The following DLEU7 variants were observed in gnomAD, a reference collection of about 807,000 sequenced individuals.
DLEU7 encodes the protein leukemia-associated protein 7.
DLEU7 carries 17 observed loss-of-function variants against 16.0 expected under a neutral mutation model. The ratio of observed to expected loss-of-function variants is 1.06; its 90% CI spans 0.73 to 1.59. The LOEUF (loss-of-function observed/expected upper bound fraction) is 1.59, where lower values mean the gene tolerates loss of function less well. DLEU7 is among the 40% of genes most tolerant of loss of function. The pLI, the probability that DLEU7 is intolerant of heterozygous loss-of-function variation, is 0.00. For missense variants in DLEU7, 308 were observed against 314.9 expected (o/e 0.98, Z 0.17); for synonymous variants, 113 against 139.8 (o/e 0.81, Z 1.35).
At chr13:50,834,418 A>C (rs8002110) in intron 1 of DLEU7, among the ~76,000 whole-genome samples, 85,424 of 151,168 alleles carry the variant, frequency 0.57, 24,361 homozygotes, top group African/African-American at 0.66. Context: ...TTTGTGTGGC[A>C]AACAAACATA....
chr13:50,795,769 A>G (rs1288459298), intron 1 of DLEU7, among the ~76,000 whole-genome samples: 3 of 152,196 alleles, frequency 2.0e-5, no homozygotes, highest in Non-Finnish European at 4.4e-5. Flanking sequence ...TTATTTTTAT[A>G]GCAAACTGCA....
intron 1 of DLEU7, among the ~76,000 whole-genome samples, chr13:50,829,779 A>G (rs974545132): frequency 3.9e-5 from 6 of 152,334 alleles, no homozygotes; most frequent in Non-Finnish European, 5.9e-5. Flanking sequence ...AGGGAAAAAT[A>G]AAACAGGTGT....
At chr13:50,725,246 C>T (rs2706241) in intron 1 of DLEU7, among the ~76,000 whole-genome samples, 12,216 of 152,150 alleles carry the variant, frequency 0.08, 552 homozygotes, top group East Asian at 0.15. Flanking sequence ...CAGCCAGCCA[C>T]GTGGTCATGG....
intron 1 of DLEU7, among the ~76,000 whole-genome samples, chr13:50,842,710 T>C (rs1026051502): frequency 3.3e-5 from 5 of 152,126 alleles, no homozygotes; most frequent in Non-Finnish European, 5.9e-5. Flanking sequence ...CAAAAAATAA[T>C]AGTGATTCAT....
chr13:50,778,555 T>G (rs1875566250), intron 1 of DLEU7, among the ~76,000 whole-genome samples: 1 of 152,216 alleles, frequency 6.6e-6, no homozygotes, highest in Non-Finnish European at 1.5e-5. Flanking sequence ...AAAATAAAAA[T>G]GAACCAGATA....
intron 1 of DLEU7, among the ~76,000 whole-genome samples, chr13:50,762,877 C>T (rs1874980920): frequency 6.6e-6 from 1 of 151,532 alleles, no homozygotes; most frequent in Admixed American, 6.6e-5. Context: ...AGATCTGCAT[C>T]CAGGAAGGGA....
chr13:50,767,004 C>T (rs1466255427), intron 1 of DLEU7, among the ~76,000 whole-genome samples: 2 of 152,184 alleles, frequency 1.3e-5, no homozygotes, highest in Non-Finnish European at 2.9e-5. Context: ...TTCCTTTGCC[C>T]ACTACTTAGA....
intron 1 of DLEU7, among the ~76,000 whole-genome samples, chr13:50,746,491 T>C (rs948855370): frequency 6.6e-5 from 10 of 152,224 alleles, no homozygotes; most frequent in African/African-American, 2.4e-4. Flanking sequence ...GCTATCAAAA[T>C]TCAGTCATTT....
chr13:50,804,639 T>C (rs1296117956), intron 1 of DLEU7, among the ~76,000 whole-genome samples: 1 of 151,996 alleles, frequency 6.6e-6, no homozygotes, highest in Non-Finnish European at 1.5e-5. Context: ...AGAGATGGGA[T>C]TTCACCATGT....
At chr13:50,738,995 A>G (rs867455668) in intron 1 of DLEU7, among the ~76,000 whole-genome samples, 16 of 89,744 alleles carry the variant, frequency 1.8e-4, no homozygotes, top group Middle Eastern at 4.8e-3. Flanking sequence ...ACACACACAC[A>G]CACACACACG....
At chr13:50,789,567 G>T (rs1158438536) in intron 1 of DLEU7, among the ~76,000 whole-genome samples, 1 of 151,704 alleles carries the variant, frequency 6.6e-6, no homozygotes, top group Non-Finnish European at 1.5e-5. Context: ...GAACACAATT[G>T]TTTTCTACAG....
chr13:50,724,287 C>T (rs920102337), intron 1 of DLEU7, among the ~76,000 whole-genome samples: 3 of 152,176 alleles, frequency 2.0e-5, no homozygotes, highest in Admixed American at 2.0e-4. Flanking sequence ...GGCTGAATCT[C>T]TTTTCTACCA....
chr13:50,713,046 A>G, exon 2 of DLEU7: 1 of 666,484 alleles, frequency 1.5e-6, no homozygotes, highest in Non-Finnish European at 2.6e-6. Context: ...GAAGTCAGAG[A>G]TCCACAGAGA....
At chr13:50,716,275 A>T (rs1593524703) in intron 1 of DLEU7, among the ~76,000 whole-genome samples, 1 of 152,294 alleles carries the variant, frequency 6.6e-6, no homozygotes, top group African/African-American at 2.4e-5. Flanking sequence ...AGGGCCAAAC[A>T]TCTCCATTAA....
intron 1 of DLEU7, among the ~76,000 whole-genome samples, chr13:50,748,316 G>A (rs956737947): frequency 7.4e-6 from 1 of 134,286 alleles, no homozygotes; most frequent in Non-Finnish European, 1.5e-5. Context: ...CTTGACTGCT[G>A]CTTTCACAGG....
chr13:50,841,280 A>T (rs773247579), intron 1 of DLEU7, among the ~76,000 whole-genome samples: 2 of 152,178 alleles, frequency 1.3e-5, no homozygotes. Flanking sequence ...GCCTTCTGCC[A>T]TATTGAACTT....
chr13:50,791,564 T>C (rs981154157), intron 1 of DLEU7, among the ~76,000 whole-genome samples: 1 of 152,052 alleles, frequency 6.6e-6, no homozygotes, highest in African/African-American at 2.4e-5. Flanking sequence ...GACATCACTC[T>C]GGAAACATCC....
Position 50,843,411 on chromosome 13 carries a change from G to C in DLEU7, c.236C>G (p.Thr79Ser). Residue 79 changes from threonine (T) to serine (S), a missense_variant, in exon 1 of 2, where the codon ACC (threonine) becomes AGC (serine). Transcript: ENST00000504404. The surrounding 1 kb of genome is among the most constrained non-coding windows in gnomAD (Gnocchi z 5.7). ...GGGVGTRSRR[T>S]AARANSPEEE... Reference sequence around the variant, plus strand: ...CTCTGGGGAGTTCGCCCGCGCCGCGGTCCGCCGACTCCTGGTCCCCACGCC... The same window carrying C: ...CTCTGGGGAGTTCGCCCGCGCCGCGCTCCGCCGACTCCTGGTCCCCACGCC... 1 of 1,316,182 alleles carries C rather than the reference G, an allele frequency of 7.6e-7. No individual in the cohort carries two copies. 81.5% of individuals were successfully genotyped at this position (1,316,182 alleles called of 1,614,324 possible).
At chr13:50,793,735 T>C (rs562643402) in intron 1 of DLEU7, among the ~76,000 whole-genome samples, 22 of 152,382 alleles carry the variant, frequency 1.4e-4, no homozygotes, top group South Asian at 6.2e-4. Flanking sequence ...AAGTTCCTTA[T>C]AGATTCTGGA....
Sources: allele counts gnomAD v4.1 joint callset (sites outside exome capture counted in the v4.1 genomes callset), GRCh38; gene constraint gnomAD v4.1.1; non-coding constraint Gnocchi (gnomAD v3.1); transcripts MANE v1.5; gene names NCBI Gene and HGNC (gene_info 2026-07-23, HGNC 2026-07-21).